The following CCSER2 variants were observed in gnomAD, a reference collection of about 807,000 sequenced individuals.
CCSER2 encodes coiled-coil serine rich protein 2.
Under a neutral mutation model 92.3 loss-of-function variants are expected in CCSER2, and 46 were observed. That is an observed-to-expected ratio of 0.50 (90% CI 0.39 to 0.64). The LOEUF is 0.64. Ranked by LOEUF, CCSER2 falls within the 30% of genes least tolerant of loss-of-function variation. The pLI, the probability that CCSER2 is intolerant of heterozygous loss-of-function variation, is 0.00. For missense variants in CCSER2, 1,244 were observed against 1,238.9 expected, an observed-to-expected ratio of 1.00 and a Z score of -0.06; for synonymous variants, 433 against 431.4, an observed-to-expected ratio of 1.00 and a Z score of -0.04.
At chr10:84,457,328 T>TA (rs1564685091) in intron 6 of CCSER2, among the ~76,000 whole-genome samples, 6 of 59,612 alleles carry the variant, frequency 1.0e-4, no homozygotes, top group East Asian at 6.8e-4. Flanking sequence ...ATATTATATA[T>TA]AATATATTAT....
intron 3 of CCSER2, among the ~76,000 whole-genome samples, chr10:84,393,240 T>C (rs1156949094): frequency 3.9e-5 from 6 of 152,200 alleles, no homozygotes; most frequent in Non-Finnish European, 8.8e-5. Flanking sequence ...AAAGCTGATA[T>C]ACCTGTGCAA....
At chr10:84,429,014 T>TATATATATATATAC (rs1400134320) in intron 5 of CCSER2, among the ~76,000 whole-genome samples, 1 of 139,348 alleles carries the variant, frequency 7.2e-6, no homozygotes, top group Non-Finnish European at 1.6e-5. Flanking sequence ...TATATATATA[T>TATATATATATATAC]ACACACTTAA....
chr10:84,380,694 C>CTTTT (rs34999469), intron 3 of CCSER2, among the ~76,000 whole-genome samples: 2 of 133,730 alleles, frequency 1.5e-5, no homozygotes, highest in South Asian at 2.4e-4. Flanking sequence ...TGTTCCTTTT[C>CTTTT]TTTTTTTTTT....
intron 1 of CCSER2, among the ~76,000 whole-genome samples, chr10:84,359,525 T>C (rs1333957199): frequency 1.3e-5 from 2 of 152,154 alleles, no homozygotes; most frequent in African/African-American, 4.8e-5. Flanking sequence ...AGAAAATCTA[T>C]TTTTAACAAG....
chr10:84,391,906 C>T (rs756670248), intron 3 of CCSER2: 59 of 1,352,148 alleles, frequency 4.4e-5, no homozygotes, highest in Non-Finnish European at 5.7e-5. Flanking sequence ...ATGGATTAAC[C>T]CAAAAGATGA....
intron 1 of CCSER2, among the ~76,000 whole-genome samples, chr10:84,346,185 C>G (rs945964807): frequency 6.6e-6 from 1 of 152,184 alleles, no homozygotes; most frequent in Admixed American, 6.5e-5. Context: ...CTGCCTCAGC[C>G]TCCCGAGTAG....
chr10:84,449,909 C>G (rs1845171616), intron 6 of CCSER2, among the ~76,000 whole-genome samples: 1 of 152,200 alleles, frequency 6.6e-6, no homozygotes. Flanking sequence ...TCCATAGTAT[C>G]TTAAAATGCT....
intron 1 of CCSER2, among the ~76,000 whole-genome samples, chr10:84,330,993 A>G (rs919042213): frequency 3.3e-5 from 5 of 152,168 alleles, no homozygotes; most frequent in African/African-American, 1.2e-4. Context: ...CAGTCTCCTA[A>G]TTCTAAATCT....
intron 2 of CCSER2, among the ~76,000 whole-genome samples, 160 bp downstream of exon 2, chr10:84,372,629 T>A (rs981625330): frequency 1.3e-5 from 2 of 152,142 alleles, no homozygotes; most frequent in South Asian, 2.1e-4. Context: ...TTCCTGTGAC[T>A]TTTGCTCCAT....
intron 1 of CCSER2, among the ~76,000 whole-genome samples, chr10:84,354,917 T>C (rs1256171907): frequency 6.6e-6 from 1 of 151,822 alleles, no homozygotes; most frequent in Admixed American, 6.6e-5. Context: ...TTGAGCTCTT[T>C]CCTCTTATCT....
At chr10:84,404,768 G>A (rs1424254205) in intron 3 of CCSER2, among the ~76,000 whole-genome samples, 1 of 152,140 alleles carries the variant, frequency 6.6e-6, no homozygotes, top group Non-Finnish European at 1.5e-5. Context: ...TCAATGACTA[G>A]TTATAAACTT....
At chr10:84,390,948 T>C (rs1331512753) in intron 3 of CCSER2, 13 of 760,944 alleles carry the variant, frequency 1.7e-5, no homozygotes, top group South Asian at 1.5e-4. Flanking sequence ...CTCACTTTGC[T>C]TATATACTTG....
chr10:84,436,164 A>G (rs950320143), intron 5 of CCSER2, among the ~76,000 whole-genome samples: 1 of 146,852 alleles, frequency 6.8e-6, no homozygotes, highest in African/African-American at 2.5e-5. Context: ...CGTCTCTACT[A>G]AAAATACAAA....
chr10:84,397,271 C>T (rs1051057302), intron 3 of CCSER2, among the ~76,000 whole-genome samples: 3 of 152,102 alleles, frequency 2.0e-5, no homozygotes, highest in African/African-American at 7.2e-5. Flanking sequence ...ATTACCACCT[C>T]CCCCAAAGTA....
chr10:84,457,306 G>A (rs531414336), intron 6 of CCSER2, among the ~76,000 whole-genome samples: 4,977 of 34,184 alleles, frequency 0.15, 351 homozygotes, highest in Non-Finnish European at 0.19. Flanking sequence ...TATATAATAT[G>A]TTATATATAA....
chr10:84,364,736 A>ATTTTTTTTGTT (rs1564600678), intron 1 of CCSER2, among the ~76,000 whole-genome samples: 1 of 114,612 alleles, frequency 8.7e-6, no homozygotes. Context: ...GTATTTTTGA[A>ATTTTTTTTGTT]TTTTTTTTTG....
Position 84,391,655 on chromosome 10 carries a change from C to A in CCSER2, c.1614+17840C>A. The A allele has an allele frequency of 3.3e-6, 5 of 1,536,404 alleles. No individual in the cohort carries two copies. In the South Asian group the frequency reaches 5.6e-5, roughly 17 times the overall value. ...CTAGCTTGTAGAAATCATTAACAGACCCAACACACCAAAGACATTGTTAGA... is the reference window on the plus strand; with the variant it reads ...CTAGCTTGTAGAAATCATTAACAGAACCAACACACCAAAGACATTGTTAGA... On this transcript the variant is annotated intron_variant, in intron 3 of 9. Coordinates refer to ENST00000372088, the MANE Select transcript of CCSER2 (RefSeq NM_001284240.2).
intron 8 of CCSER2, among the ~76,000 whole-genome samples, chr10:84,473,395 T>C (rs1564701676): frequency 6.6e-6 from 1 of 152,226 alleles, no homozygotes; most frequent in Non-Finnish European, 1.5e-5. Flanking sequence ...TTACAGTTCA[T>C]GTAAAGGCTA....
At chr10:84,498,447 T>C (rs1025568170) in intron 9 of CCSER2, among the ~76,000 whole-genome samples, 1 of 152,080 alleles carries the variant, frequency 6.6e-6, no homozygotes, top group South Asian at 2.1e-4. Flanking sequence ...TGTGGCTTTT[T>C]TTTTTCCCTT....
Sources: gnomAD v4.1 joint callset for allele counts (sites outside exome capture counted in the v4.1 genomes callset) on GRCh38, gnomAD v4.1.1 for gene constraint, MANE v1.5 for transcripts, NCBI Gene and HGNC (gene_info 2026-07-23, HGNC 2026-07-21) for gene names.